The following ZNF708 variants were observed in gnomAD, a reference collection of about 807,000 sequenced individuals.
The protein encoded by ZNF708 is zinc finger protein 708.
Under a neutral mutation model 47.0 loss-of-function variants are expected in ZNF708, and 44 were observed. That is an observed-to-expected ratio of 0.94 (90% confidence interval 0.74 to 1.20). The LOEUF (loss-of-function observed/expected upper bound fraction) is 1.20. ZNF708 is among the 50% of genes most tolerant of loss of function. The pLI, the probability that ZNF708 is intolerant of heterozygous loss-of-function variation, is 0.00. For synonymous variants in ZNF708, 184 were observed against 218.5 expected, an observed-to-expected ratio of 0.84 and a Z score of 1.39; for missense variants, 557 against 656.0, an observed-to-expected ratio of 0.85 and a Z score of 1.65.
rs567066591 is a variant in ZNF708, at chr19:21,313,307, T to G, written c.4-2680A>C. Among the ~76,000 whole-genome samples the G allele has an allele frequency of 2.1e-5, 3 of 146,094 alleles. No homozygotes were observed. The East Asian group carries it at 6.0e-4, about 29-fold the overall frequency. ...TGTCTCAAAAAAAAAAAAAAAAAAG[T>G]ATGTTACAGAGCACTGTGCTGGGAA... On this transcript the variant is annotated intron_variant, in intron 1 of 3. Coordinates refer to ENST00000356929, the MANE Select transcript of ZNF708 (RefSeq NM_021269.3).
intron 3 of ZNF708, among the ~76,000 whole-genome samples, chr19:21,306,222 T>A (rs1972760969): frequency 6.6e-6 from 1 of 152,110 alleles, no homozygotes; most frequent in Non-Finnish European, 1.5e-5. Flanking sequence ...CAATAACCAT[T>A]AAGATTTAAC....
At chr19:21,309,427 G>T in intron 2 of ZNF708, 86 bp from the exon 3 acceptor site, 1 of 1,279,354 alleles carries the variant, frequency 7.8e-7, no homozygotes, top group Non-Finnish European at 1.1e-6. Flanking sequence ...GAGAATGTAG[G>T]CCAGGCACAG....
intron 3 of ZNF708, among the ~76,000 whole-genome samples, chr19:21,307,915 A>C (rs1253921860): frequency 6.6e-6 from 1 of 152,176 alleles, no homozygotes; most frequent in Non-Finnish European, 1.5e-5. Flanking sequence ...CACTCAGTAA[A>C]TTACCAAATA....
chr19:21,314,697 T>C (rs1972968724), intron 1 of ZNF708, among the ~76,000 whole-genome samples: 1 of 152,184 alleles, frequency 6.6e-6, no homozygotes, highest in South Asian at 2.1e-4. Flanking sequence ...CTCCTCCTTG[T>C]TTTTACCCAA....
At position 21,294,725 on chromosome 19, in the gene ZNF708, A is replaced by G. The variant is rs201292781; in HGVS notation, c.241T>C (p.Phe81Leu). The G allele has an allele frequency of 2.5e-5, 39 of 1,588,218 alleles. No individual in the cohort carries two copies. The Admixed American group carries it at 5.5e-4, about 22-fold the overall frequency. The change falls in exon 4 of 4, where the codon TTT becomes CTT. Residue 81 changes from phenylalanine (F) to leucine (L), a missense_variant. Coordinates refer to ENST00000356929, the MANE Select transcript of ZNF708 (RefSeq NM_021269.3). ...TGCTCTGGCCTAAGGTCTTTGGCAA[A>G]ATGAGAACACATAGCTGAAAGAAAT... ...AAKPPAMCSH[F>L]AKDLRPEQYI...
At chr19:21,318,145 T>C (rs1973053159) in intron 1 of ZNF708, 1 of 152,174 alleles carries the variant, frequency 6.6e-6, no homozygotes, top group African/African-American at 2.4e-5. Context: ...CAGTACCTCA[T>C]CAGAGACTGA....
Position 21,293,574 on chromosome 19 carries a change from AG to A in ZNF708, c.1391del (p.Thr464IlefsTer33). On this transcript the variant is annotated frameshift_variant, in exon 4 of 4. Coordinates refer to ENST00000356929, the MANE Select transcript of ZNF708 (RefSeq NM_021269.3). LOFTEE classifies it high-confidence loss of function. ...GKTFNYSSNF[T>X]NHKKIHTGEK... ...CTCCAGTATGAATTTTTTTATGATT[AG>A]TAAAATTTGAGGAGTAGTTAAAAGT... The A allele has an allele frequency of 6.2e-7, 1 of 1,613,004 alleles. No individual in the cohort carries two copies. Among genetic ancestry groups the A allele is most frequent in the Non-Finnish European group, 8.5e-7 (1 of 1,179,680 alleles).
chr19:21,293,375 G>T lies in ZNF708; in HGVS notation c.1591C>A (p.Pro531Thr). ...TTGCCACATTCTTCACATTTGTAGG[G>T]TTTCTCTCCAGTATGAATTATCTTA... ...KHKIIHTGEK[P>T]YKCEECGKAF... The change falls in exon 4 of 4, where the codon CCC becomes ACC. Residue 531 changes from proline to threonine, a missense_variant. Coordinates refer to ENST00000356929, the MANE Select transcript of ZNF708 (RefSeq NM_021269.3). 1.2e-6 allele frequency: 2 copies of T among 1,613,600 alleles called. No individual in the cohort carries two copies. Among genetic ancestry groups the T allele is most frequent in the East Asian group, 2.2e-5 (1 of 44,790 alleles).
intron 3 of ZNF708, among the ~76,000 whole-genome samples, chr19:21,299,318 A>T (rs1972606340): frequency 6.6e-6 from 1 of 152,144 alleles, no homozygotes; most frequent in Admixed American, 6.6e-5. Flanking sequence ...GCACCACTGC[A>T]CTCCAGCCTG....
intron 1 of ZNF708, among the ~76,000 whole-genome samples, chr19:21,326,715 G>A (rs1048392514): frequency 2.6e-5 from 4 of 152,258 alleles, no homozygotes; most frequent in Admixed American, 1.3e-4. Flanking sequence ...TGGATCACTT[G>A]AGATCAGGAA....
chr19:21,315,164 G>GA, intron 1 of ZNF708, among the ~76,000 whole-genome samples: 1 of 152,170 alleles, frequency 6.6e-6, no homozygotes, highest in Non-Finnish European at 1.5e-5. Context: ...TTTGCCATCA[G>GA]ATTCTGTTTA....
rs1334918517 is a variant in ZNF708, at chr19:21,291,946, T to A, written c.*1328A>T. ...AAATCTTCTACTCCTTTTAAAGTTA[T>A]GTACAAATAAATTTATCTACCGTTA... On this transcript the variant is annotated 3_prime_UTR_variant, in exon 4 of 4. Coordinates refer to ENST00000356929, the MANE Select transcript of ZNF708 (RefSeq NM_021269.3). 1 of 152,228 alleles carries A rather than the reference T, an allele frequency of 6.6e-6. No homozygotes were observed. The highest frequency in any genetic ancestry group is 1.5e-5 in the Non-Finnish European group (1 of 68,054). 9.4% of individuals were successfully genotyped at this position (152,228 alleles called of 1,614,324 possible). A position where few individuals can be genotyped will look rare whatever the true frequency, so the allele number is the denominator to read the frequency against.
At chr19:21,322,277 C>CTCATATTCT (rs1052352382) in intron 1 of ZNF708, among the ~76,000 whole-genome samples, 10 of 151,514 alleles carry the variant, frequency 6.6e-5, no homozygotes, top group Non-Finnish European at 1.5e-4. Flanking sequence ...GTCATCAGAG[C>CTCATATTCT]TCATATTCTT....
At chr19:21,322,106 T>G (rs997879801) in intron 1 of ZNF708, among the ~76,000 whole-genome samples, 1 of 152,066 alleles carries the variant, frequency 6.6e-6, no homozygotes, top group African/African-American at 2.4e-5. Flanking sequence ...TAGACATGTT[T>G]GTGAGTTTGT....
At chr19:21,322,990 A>C (rs1758627704) in intron 1 of ZNF708, among the ~76,000 whole-genome samples, 1 of 152,252 alleles carries the variant, frequency 6.6e-6, no homozygotes, top group Admixed American at 6.5e-5. Context: ...AATTTGATAA[A>C]GCTACTCATA....
rs1972489301 is a variant in ZNF708, at chr19:21,294,602, T to C, written c.364A>G (p.Lys122Glu). Reference protein sequence around the residue: ...CKSVDEHKLHKGGHKGLNRCV... With the variant: ...CKSVDEHKLHEGGHKGLNRCV... ...CGGTTAAGTCCCTTGTGACCTCCTT[T>C]GTGCAACTTATGCTCATCCACACTT... The change falls in exon 4 of 4, where the codon AAA (lysine) becomes GAA (glutamate). Residue 122 changes from lysine (K) to glutamate (E), a missense_variant. Lys to Glu is a moderately conservative substitution (Grantham distance 56). Transcript: ENST00000356929. The C allele has an allele frequency of 6.2e-7, 1 of 1,614,024 alleles. No homozygotes were observed. Among genetic ancestry groups the C allele is most frequent in the Non-Finnish European group, 8.5e-7 (1 of 1,180,008 alleles).
At chr19:21,326,245 G>A (rs1973253540) in intron 1 of ZNF708, among the ~76,000 whole-genome samples, 2 of 152,118 alleles carry the variant, frequency 1.3e-5, no homozygotes, top group Non-Finnish European at 2.9e-5. Context: ...GTCATTATTC[G>A]AAAAATATAC....
Position 21,307,070 on chromosome 19 carries a change from T to C in ZNF708, c.226+2176A>G, listed in dbSNP as rs370902225. On this transcript the variant is annotated intron_variant, in intron 3 of 3. Coordinates refer to ENST00000356929, the MANE Select transcript of ZNF708 (RefSeq NM_021269.3). ...ATAAAATAAAATATAAAATAAAATA[T>C]AAAATAAAATAAAATATAAAATACA... 7 of 108,342 alleles carry C rather than the reference T, an allele frequency of 6.5e-5. No individual in the cohort carries two copies. In the East Asian group the frequency reaches 1.0e-3, roughly 16 times the overall value. The allele number at this position is 108,342 out of a possible 1,614,324, so 6.7% of individuals were successfully genotyped here. A position where few individuals can be genotyped will look rare whatever the true frequency, so the allele number is the denominator to read the frequency against.
At chr19:21,327,325 T>C (rs1012650104) in intron 1 of ZNF708, among the ~76,000 whole-genome samples, 3 of 151,460 alleles carry the variant, frequency 2.0e-5, no homozygotes, top group African/African-American at 7.3e-5. Context: ...AGGTCTGGAG[T>C]TTGAGACCAG....
Sources: allele counts gnomAD v4.1 joint callset (sites outside exome capture counted in the v4.1 genomes callset), GRCh38; gene constraint gnomAD v4.1.1; transcripts MANE v1.5; gene names NCBI Gene and HGNC (gene_info 2026-07-23, HGNC 2026-07-21).